Variants in FBLN2 observed in about 807,000 individuals in gnomAD.
The protein encoded by FBLN2 is fibulin 2.
In FBLN2, 81 loss-of-function variants were observed where a neutral mutation model predicts 123.7. The observed-to-expected ratio is 0.65, with a 90% CI of 0.55 to 0.79. FBLN2 has a LOEUF of 0.79. Ranked by LOEUF, FBLN2 falls within the 30% of genes least tolerant of loss-of-function variation. FBLN2 has a pLI of 0.00. For missense variants in FBLN2, 1,603 were observed against 1,681.3 expected, an observed-to-expected ratio of 0.95 and a Z score of 0.81; for synonymous variants, 699 against 701.4, an observed-to-expected ratio of 1.00 and a Z score of 0.05.
chr3:13,578,325 A>G (rs1189074640), intron 2 of FBLN2, among the ~76,000 whole-genome samples: 1 of 152,152 alleles, frequency 6.6e-6, no homozygotes, highest in East Asian at 1.9e-4. Flanking sequence ...CTCCAGAAAG[A>G]CACCCACATC....
intron 2 of FBLN2, among the ~76,000 whole-genome samples, chr3:13,573,894 C>CA (rs34768387): frequency 0.17 from 12,313 of 72,380 alleles, 1,980 homozygotes; most frequent in African/African-American, 0.44. Context: ...GAGTGAAACT[C>CA]AAAAAAAAAA....
At position 13,637,771 on chromosome 3, in the gene FBLN2, A is replaced by G. The variant is rs746632297; in HGVS notation, c.3548A>G (p.Asn1183Ser). 1.1e-5 allele frequency: 18 copies of G among 1,613,920 alleles called. No individual in the cohort carries two copies. Among genetic ancestry groups the G allele is most frequent in the Admixed American group, 3.3e-5 (2 of 60,026 alleles). Residue 1183 changes from asparagine (N) to serine (S), a missense_variant, in exon 18 of 18, where the codon AAT (asparagine) becomes AGT (serine). Physicochemically the swap from Asn to Ser is conservative, Grantham distance 46 (BLOSUM62 1). Coordinates refer to ENST00000404922, the MANE Select transcript of FBLN2 (RefSeq NM_001004019.2). ...GGCTACTTTGGCACGCGCAGGCTCA[A>G]TGCCTACACGGGTGTGGTCTACCTG... Reference protein sequence around the residue: ...EEGYFGTRRLNAYTGVVYLQR... With the variant: ...EEGYFGTRRLSAYTGVVYLQR...
chr3:13,559,661 T>C (rs1406423476), intron 1 of FBLN2, among the ~76,000 whole-genome samples: 1 of 152,122 alleles, frequency 6.6e-6, no homozygotes, highest in Non-Finnish European at 1.5e-5. Context: ...TGCCAGGTGG[T>C]CAGAAACCAC....
rs372540399 is a variant in FBLN2, at chr3:13,629,193, C to T, written c.2743C>T (p.Arg915Cys). ...GAATGAGTGTGAGACAGGTGTGCAC[C>T]GCTGCGGTGAGGGCCAAGTGTGCCA... ...DVNECETGVH[R>C]CGEGQVCHNL... The change falls in exon 13 of 18, where the codon CGC (arginine) becomes TGC (cysteine). Residue 915 changes from arginine (R) to cysteine (C), a missense_variant. By Grantham distance (180) the Arg-to-Cys change is radical. Coordinates refer to ENST00000404922, the MANE Select transcript of FBLN2 (RefSeq NM_001004019.2). The T allele has an allele frequency of 2.9e-5, 47 of 1,613,174 alleles. No homozygotes were observed. The highest frequency in any genetic ancestry group is 3.6e-5 in the Non-Finnish European group (42 of 1,179,754).
chr3:13,580,394 T>C (rs1366423047), intron 2 of FBLN2, among the ~76,000 whole-genome samples: 2 of 152,192 alleles, frequency 1.3e-5, no homozygotes, highest in African/African-American at 2.4e-5. Context: ...AAATATTTAT[T>C]GAGTGCCTCT....
intron 17 of FBLN2, 96 bp from the exon 18 acceptor site, chr3:13,637,466 C>A: frequency 8.7e-7 from 1 of 1,148,698 alleles, no homozygotes; most frequent in African/African-American, 1.5e-5. Flanking sequence ...AGAGAGCTGG[C>A]CCTTGATCCT....
intron 2 of FBLN2, among the ~76,000 whole-genome samples, chr3:13,584,394 C>T (rs1704432394): frequency 6.6e-6 from 1 of 152,168 alleles, no homozygotes; most frequent in South Asian, 2.1e-4. Context: ...CTGACTCCAA[C>T]CCAGGCTCTC....
intron 5 of FBLN2, among the ~76,000 whole-genome samples, chr3:13,616,006 T>G (rs986467391): frequency 2.0e-5 from 3 of 152,108 alleles, no homozygotes; most frequent in African/African-American, 7.2e-5. Flanking sequence ...ATATCCTGTG[T>G]GGTACAGGTG....
rs1703257001 is a variant in FBLN2, at chr3:13,549,196, G to T, written c.-54G>T. 1 of 983,156 alleles carries T rather than the reference G, an allele frequency of 1.0e-6. No individual in the cohort carries two copies. Among genetic ancestry groups the T allele is most frequent in the Non-Finnish European group, 1.2e-6 (1 of 828,988 alleles). 60.9% of individuals were successfully genotyped at this position (983,156 alleles called of 1,614,324 possible). On this transcript the variant is annotated 5_prime_UTR_variant, in exon 1 of 18. Transcript: ENST00000404922. ...GCGGACGGACGGACGGACGCCGAGCGCAGTGCCCCGCGGTGAGTGCACGCG... is the reference window on the plus strand; with the variant it reads ...GCGGACGGACGGACGGACGCCGAGCTCAGTGCCCCGCGGTGAGTGCACGCG...
At chr3:13,577,046 A>AC (rs1704168851) in intron 2 of FBLN2, among the ~76,000 whole-genome samples, 1 of 152,020 alleles carries the variant, frequency 6.6e-6, no homozygotes, top group African/African-American at 2.4e-5. Context: ...ACATGGTGAA[A>AC]CCCCTGTCTC....
chr3:13,572,115 A>C (rs1261675417), intron 2 of FBLN2, among the ~76,000 whole-genome samples: 2 of 152,268 alleles, frequency 1.3e-5, no homozygotes, highest in Non-Finnish European at 2.9e-5. Context: ...AACAAATGTC[A>C]GCCAGAAAGC....
At chr3:13,579,924 CAA>C (rs1704268811) in intron 2 of FBLN2, among the ~76,000 whole-genome samples, 1 of 152,258 alleles carries the variant, frequency 6.6e-6, no homozygotes, top group East Asian at 1.9e-4. Flanking sequence ...GCTCATGAGA[CAA>C]GAGCCGGCCC....
intron 11 of FBLN2, 88 bp from the exon 12 acceptor site, chr3:13,628,817 C>G: frequency 6.7e-7 from 1 of 1,494,348 alleles, no homozygotes; most frequent in Non-Finnish European, 9.0e-7. Flanking sequence ...AGCCCAGGAC[C>G]GACCCCCTCC....
chr3:13,629,337 T>A (rs4684969), intron 13 of FBLN2, 45 bp downstream of exon 13: 9 of 1,554,270 alleles, frequency 5.8e-6, no homozygotes, highest in Admixed American at 1.9e-5. Context: ...ACCTGGCTGG[T>A]CCCCTGCCCT....
At chr3:13,619,072 C>A in intron 7 of FBLN2, 55 bp downstream of exon 7, 1 of 1,386,758 alleles carries the variant, frequency 7.2e-7, no homozygotes, top group Non-Finnish European at 1.0e-6. Context: ...GGGGGTGGGT[C>A]TGGGCTGCTT....
intron 2 of FBLN2, among the ~76,000 whole-genome samples, chr3:13,604,542 G>A (rs1370417722): frequency 6.6e-6 from 1 of 152,306 alleles, no homozygotes; most frequent in African/African-American, 2.4e-5. Flanking sequence ...TCAGATGGTT[G>A]TAGATGTGTG....
At chr3:13,603,781 T>G (rs1705116630) in intron 2 of FBLN2, among the ~76,000 whole-genome samples, 1 of 152,360 alleles carries the variant, frequency 6.6e-6, no homozygotes, top group African/African-American at 2.4e-5. Context: ...CAAATGGTAT[T>G]TCTAGTTCTA....
intron 16 of FBLN2, among the ~76,000 whole-genome samples, chr3:13,634,734 T>G (rs929988924): frequency 6.6e-6 from 1 of 152,166 alleles, no homozygotes; most frequent in African/African-American, 2.4e-5. Context: ...GAGAGGTAAA[T>G]AGATGTGAGC....
intron 16 of FBLN2, among the ~76,000 whole-genome samples, chr3:13,632,986 C>T (rs77331352): frequency 0.064 from 9,674 of 152,314 alleles, 485 homozygotes; most frequent in African/African-American, 0.13. Flanking sequence ...GGTGGCAGAA[C>T]ACAAGTGTGG....
Sources: gnomAD v4.1 joint callset for allele counts (sites outside exome capture counted in the v4.1 genomes callset) on GRCh38, gnomAD v4.1.1 for gene constraint, MANE v1.5 for transcripts, NCBI Gene and HGNC (gene_info 2026-07-23, HGNC 2026-07-21) for gene names.